Variants in KIF20B observed in about 807,000 individuals in gnomAD.
The protein encoded by KIF20B is kinesin-like protein KIF20B.
In KIF20B, 188 loss-of-function variants were observed where a neutral mutation model predicts 232.5. That is an observed-to-expected ratio of 0.81 (90% confidence interval 0.72 to 0.91). The LOEUF is 0.91. KIF20B is among the 40% of genes least tolerant of loss of function. The pLI, the probability that KIF20B is intolerant of heterozygous loss-of-function variation, is 0.00. For missense variants in KIF20B, 2,154 were observed against 2,055.9 expected, an observed-to-expected ratio of 1.05 and a Z score of -0.92; for synonymous variants, 712 against 683.0, an observed-to-expected ratio of 1.04 and a Z score of -0.66.
intron 21 of KIF20B, among the ~76,000 whole-genome samples, chr10:89,740,780 C>T (rs1445188176): frequency 6.6e-6 from 1 of 152,134 alleles, no homozygotes; most frequent in African/African-American, 2.4e-5. Context: ...CCCATCTCAG[C>T]CTCCCTAGTA....
intron 28 of KIF20B, among the ~76,000 whole-genome samples, chr10:89,761,417 GAT>G (rs1479475220): frequency 6.6e-6 from 1 of 151,460 alleles, no homozygotes; most frequent in East Asian, 1.9e-4. Context: ...TAAAGAAGGT[GAT>G]ACCATATTGT....
At chr10:89,730,625 C>T (rs1198135460) in intron 18 of KIF20B, among the ~76,000 whole-genome samples, 1 of 152,048 alleles carries the variant, frequency 6.6e-6, no homozygotes, top group Non-Finnish European at 1.5e-5. Context: ...GTACCAGAAT[C>T]AGAGTGCACA....
At chr10:89,757,040 G>GTGTGTGTGTGTGTGTATATA (rs1301847520) in intron 26 of KIF20B, among the ~76,000 whole-genome samples, 8 of 110,746 alleles carry the variant, frequency 7.2e-5, no homozygotes, top group African/African-American at 2.7e-4. Context: ...GTGTGTGTGT[G>GTGTGTGTGTGTGTGTATATA]TATATATATA....
At position 89,710,049 on chromosome 10, in the gene KIF20B, A is replaced by G. The variant is rs1842805483; in HGVS notation, c.474A>G (p.Lys158=). 6.2e-7 allele frequency: 1 copy of G among 1,607,250 alleles called. No homozygotes were observed. The highest frequency in any genetic ancestry group is 1.3e-5 in the African/African-American group (1 of 74,556). The stretch of plus-strand genomic sequence containing the variant: ...CTTACGGGCTAACCAATTCAGGAAA[A>G]ACATATACATTTCAAGGTAAATATT... ...IFTYGLTNSG[K]TYTFQGTEEN... is the part of the protein sequence containing the mutation. Residue 158 remains lysine (K), a synonymous_variant, in exon 5 of 33, where the codon AAA becomes AAG. Coordinates refer to ENST00000371728, the MANE Select transcript of KIF20B (RefSeq NM_001284259.2).
chr10:89,710,330 TC>T (rs1340181310), intron 5 of KIF20B, among the ~76,000 whole-genome samples: 2 of 151,490 alleles, frequency 1.3e-5, no homozygotes, highest in Non-Finnish European at 2.9e-5. Flanking sequence ...CAGATGACTC[TC>T]CTGCCTGAGC....
intron 23 of KIF20B, among the ~76,000 whole-genome samples, chr10:89,748,358 C>A (rs1296827201): frequency 6.6e-6 from 1 of 152,170 alleles, no homozygotes; most frequent in Non-Finnish European, 1.5e-5. Flanking sequence ...TAAAATGATA[C>A]AGACTCCTCT....
intron 9 of KIF20B, among the ~76,000 whole-genome samples, chr10:89,717,024 T>C (rs193007094): frequency 8.5e-5 from 13 of 152,280 alleles, no homozygotes; most frequent in South Asian, 2.1e-4. Flanking sequence ...CCGTAGTCAG[T>C]TGGGCATGGG....
chr10:89,714,903 T>C (rs1356769244), intron 7 of KIF20B, 52 bp from the exon 8 acceptor site: 3 of 1,077,224 alleles, frequency 2.8e-6, no homozygotes, highest in Non-Finnish European at 4.1e-6. Context: ...TGTCACGTTT[T>C]TAGTCAGTTG....
intron 13 of KIF20B, 67 bp downstream of exon 13, chr10:89,719,773 G>A: frequency 7.7e-7 from 1 of 1,296,346 alleles, no homozygotes; most frequent in Non-Finnish European, 1.1e-6. Context: ...AAATCTTAAG[G>A]CTCTCTCTCT....
At chr10:89,768,934 G>A in intron 31 of KIF20B, 46 bp downstream of exon 31, 1 of 1,487,768 alleles carries the variant, frequency 6.7e-7, no homozygotes. Context: ...TAGATGTTGG[G>A]TATATTTTAA....
At position 89,714,957 on chromosome 10, in the gene KIF20B, A is replaced by G. The variant is rs964891843; in HGVS notation, c.715A>G (p.Ser239Gly). The change falls in exon 8 of 33, where the codon AGT becomes GGT. Residue 239 changes from serine (S) to glycine (G), a missense_variant and splice_region_variant. Transcript: ENST00000371728. Reference protein sequence around the residue: ...HNDSDDTLYGSLTNSLNISEF... With the variant: ...HNDSDDTLYGGLTNSLNISEF... ...TTTTCTTTTTCTTTTTTTTGTAGGA[A>G]GTTTAACTAACTCTTTGAATATCTC... The G allele has an allele frequency of 1.3e-6, 2 of 1,520,744 alleles. No homozygotes were observed. The highest frequency in any genetic ancestry group is 2.8e-5 in the African/African-American group (2 of 70,908). The allele number at this position is 1,520,744 out of a possible 1,614,324, so 94.2% of individuals were successfully genotyped here. A position where few individuals can be genotyped will look rare whatever the true frequency, so the allele number is the denominator to read the frequency against.
chr10:89,728,700 C>T (rs148924053), intron 17 of KIF20B, among the ~76,000 whole-genome samples: 1 of 152,058 alleles, frequency 6.6e-6, no homozygotes, highest in African/African-American at 2.4e-5. Context: ...GACGGGCTTT[C>T]ACGATGTTGG....
Position 89,762,752 on chromosome 10 carries a change from G to T in KIF20B, c.4906G>T (p.Ala1636Ser), listed in dbSNP as rs201324774. The T allele has an allele frequency of 1.2e-4, 192 of 1,613,302 alleles. No homozygotes were observed. The highest frequency in any genetic ancestry group is 1.6e-4 in the Non-Finnish European group (188 of 1,179,684). Residue 1636 changes from alanine (A) to serine (S), a missense_variant, in exon 29 of 33, where the codon GCA (alanine) becomes TCA (serine). Transcript: ENST00000371728. ...TACACCTTTACAGCCAAACAAAATG[G>T]CAGTGAAACACCCTGGTTGTACCAC... The part of the protein sequence containing the change: ...QFTPLQPNKM[A>S]VKHPGCTTPV...
intron 1 of KIF20B, among the ~76,000 whole-genome samples, chr10:89,702,631 AATTGTGGAT>A (rs1443199626): frequency 6.6e-6 from 1 of 152,150 alleles, no homozygotes; most frequent in Non-Finnish European, 1.5e-5. Context: ...CAAAGTCTCC[AATTGTGGAT>A]TCTTATTGGA....
At position 89,741,890 on chromosome 10, in the gene KIF20B, G is replaced by A. The variant is rs7904847; in HGVS notation, c.3916-1918G>A. On this transcript the variant is annotated intron_variant, in intron 21 of 32. Transcript: ENST00000371728. ...TTAGTCATCTCAATTATCAGATCACGTGTCATGGTATCAGGGACAGTGTTT... is the reference window on the plus strand; with the variant it reads ...TTAGTCATCTCAATTATCAGATCACATGTCATGGTATCAGGGACAGTGTTT... Among the ~76,000 whole-genome samples, 215 of 152,054 alleles carry A rather than the reference G, an allele frequency of 1.4e-3. 2 individuals carry two copies. The highest frequency in any genetic ancestry group is 4.8e-3 in the African/African-American group (198 of 41,456).
chr10:89,760,700 T>C (rs1842221666), intron 28 of KIF20B, 64 bp downstream of exon 28: 3 of 969,578 alleles, frequency 3.1e-6, no homozygotes, highest in Non-Finnish European at 4.9e-6. Flanking sequence ...AAATAACACG[T>C]ACAAGTAAGT....
chr10:89,729,121 T>C lies in KIF20B; in HGVS notation c.2272-7T>C. 7.2e-7 allele frequency: 1 copy of C among 1,388,756 alleles called. No homozygotes were observed. The highest frequency in any genetic ancestry group is 1.4e-5 in the South Asian group (1 of 72,672). 86.0% of individuals were successfully genotyped at this position (1,388,756 alleles called of 1,614,324 possible). On this transcript the variant is annotated splice_polypyrimidine_tract_variant and splice_region_variant and intron_variant, in intron 17 of 32. Coordinates refer to ENST00000371728, the MANE Select transcript of KIF20B (RefSeq NM_001284259.2). ...TCATGAAACATTGCTTTTTCTTCTTTCCAAAGAAAATAATTACACAGAATC... is the reference window on the plus strand; with the variant it reads ...TCATGAAACATTGCTTTTTCTTCTTCCCAAAGAAAATAATTACACAGAATC...
At chr10:89,723,876 TAA>T in intron 13 of KIF20B, 86 bp from the exon 14 acceptor site, 18 of 1,047,838 alleles carry the variant, frequency 1.7e-5, no homozygotes, top group Non-Finnish European at 2.3e-5. Flanking sequence ...TGACTAAATG[TAA>T]AGTTTTATTT....
Position 89,731,536 on chromosome 10 carries a change from A to G in KIF20B, c.2392-1367A>G, listed in dbSNP as rs558962933. On this transcript the variant is annotated intron_variant, in intron 18 of 32. Coordinates refer to ENST00000371728, the MANE Select transcript of KIF20B (RefSeq NM_001284259.2). The stretch of plus-strand genomic sequence containing the variant: ...TTGTCTTGAGCGCAAACTCTTTCCA[A>G]TAATGAAAAAATTTAGTTTGAATTC... 1.8e-4 allele frequency among the ~76,000 whole-genome samples: 27 copies of G among 152,348 alleles called. No individual in the cohort carries two copies. The South Asian group carries it at 5.0e-3, about 28-fold the overall frequency.
Sources: allele counts gnomAD v4.1 joint callset (sites outside exome capture counted in the v4.1 genomes callset), GRCh38; gene constraint gnomAD v4.1.1; transcripts MANE v1.5; gene names NCBI Gene and HGNC (gene_info 2026-07-23, HGNC 2026-07-21).